Variants in PIAS4 observed in about 807,000 individuals in gnomAD.
PIAS4 encodes E3 SUMO-protein ligase PIAS4.
A neutral mutation model predicts 58.0 loss-of-function variants in PIAS4; 7 were observed. The observed-to-expected ratio is 0.12, with a 90% CI of 0.07 to 0.23. The LOEUF is 0.23. Ranked by LOEUF, PIAS4 falls within the 10% of genes least tolerant of loss-of-function variation. The probability of loss-of-function intolerance (pLI) is 1.00; values close to 1 mark genes in which losing one functional copy is unlikely to be tolerated. For synonymous variants in PIAS4, 364 were observed against 312.4 expected (o/e 1.17, Z -1.74); for missense variants, 550 against 709.5 (o/e 0.78, Z 2.55).
chr19:4,036,148 G>A (rs1358957183), intron 9 of PIAS4, among the ~76,000 whole-genome samples: 1 of 85,262 alleles, frequency 1.2e-5, no homozygotes, highest in Non-Finnish European at 2.7e-5. Context: ...CATCCGTACA[G>A]TCCACACCGT....
At chr19:4,033,308 C>A in intron 8 of PIAS4, 112 bp from the exon 9 acceptor site, 1 of 1,321,824 alleles carries the variant, frequency 7.6e-7, no homozygotes, top group Non-Finnish European at 1.0e-6. Context: ...CCTCCGTGTT[C>A]CTGAGGCATG....
intron 3 of PIAS4, among the ~76,000 whole-genome samples, chr19:4,027,392 C>T (rs1317451150): frequency 1.3e-5 from 2 of 152,156 alleles, no homozygotes; most frequent in African/African-American, 4.8e-5. Context: ...GGGTCGCGTC[C>T]CGTGCGTGTT....
intron 2 of PIAS4, among the ~76,000 whole-genome samples, chr19:4,015,336 C>T (rs150551492): frequency 8.5e-5 from 13 of 152,178 alleles, no homozygotes; most frequent in Admixed American, 7.2e-4. Context: ...CCAGTAGCTC[C>T]GTCCCACAAT....
At chr19:4,011,726 G>T (rs1369755930) in intron 1 of PIAS4, among the ~76,000 whole-genome samples, 1,188 of 64,862 alleles carry the variant, frequency 0.018, 67 homozygotes, top group Middle Eastern at 0.038. Context: ...GAGGTGTGTG[G>T]GGTGTGGAGG....
At chr19:4,034,559 C>G (rs1431667875) in intron 9 of PIAS4, among the ~76,000 whole-genome samples, 1 of 152,238 alleles carries the variant, frequency 6.6e-6, no homozygotes, top group Admixed American at 6.5e-5. Context: ...GGTGGCCACC[C>G]CCTTGCATCC....
chr19:4,028,356 C>G lies in PIAS4; in HGVS notation c.582-154C>G. On this transcript the variant is annotated intron_variant, in intron 4 of 10. Coordinates refer to ENST00000262971, the MANE Select transcript of PIAS4 (RefSeq NM_015897.4). ...TGGGGATACATCACCATCCGACCCC[C>G]ACTCAGGCCACACCCGGGGGCCCTG... The G allele has an allele frequency of 5.1e-6, 4 of 780,920 alleles. No individual in the cohort carries two copies. In the South Asian group the frequency reaches 6.6e-5, roughly 13 times the overall value. 48.4% of individuals were successfully genotyped at this position (780,920 alleles called of 1,614,324 possible). A position where few individuals can be genotyped will look rare whatever the true frequency, so the allele number is the denominator to read the frequency against.
intron 1 of PIAS4, among the ~76,000 whole-genome samples, chr19:4,008,328 T>C (rs578034038): frequency 1.6e-4 from 25 of 152,130 alleles, no homozygotes; most frequent in African/African-American, 6.0e-4. Context: ...CTGGATAGTG[T>C]CCTGCCACCG....
intron 1 of PIAS4, among the ~76,000 whole-genome samples, chr19:4,009,170 C>G (rs1018503266): frequency 6.6e-6 from 1 of 152,118 alleles, no homozygotes; most frequent in African/African-American, 2.4e-5. Context: ...CTTCCCTCCC[C>G]ACGGTCCTGA....
At chr19:4,036,960 C>G (rs2040303811) in intron 9 of PIAS4, among the ~76,000 whole-genome samples, 1 of 152,038 alleles carries the variant, frequency 6.6e-6, no homozygotes, top group Non-Finnish European at 1.5e-5. Context: ...CACACATGCA[C>G]ACGTGCACAC....
chr19:4,037,590 C>T lies in PIAS4; in HGVS notation c.1274-26C>T. 6.2e-7 allele frequency: 1 copy of T among 1,608,084 alleles called. No individual in the cohort carries two copies. The highest frequency in any genetic ancestry group is 8.5e-7 in the Non-Finnish European group (1 of 1,179,764). On this transcript the variant is annotated intron_variant, in intron 10 of 10. Transcript: ENST00000262971. The surrounding 1 kb of genome is among the most constrained non-coding windows in gnomAD (Gnocchi z 5.8). ...TTATCAGTGGTTGCATCCTAAGTAC[C>T]TGCACCCTGTCCCTGTTGCCCGTAG...
intron 9 of PIAS4, among the ~76,000 whole-genome samples, chr19:4,036,519 TAC>T (rs2040289351): frequency 7.3e-6 from 1 of 137,900 alleles, no homozygotes; most frequent in Admixed American, 7.1e-5. Flanking sequence ...CACACATCTA[TAC>T]AGTCCACACC....
chr19:4,008,239 C>G (rs1456712988), intron 1 of PIAS4, among the ~76,000 whole-genome samples: 2 of 152,080 alleles, frequency 1.3e-5, no homozygotes, highest in Non-Finnish European at 2.9e-5. Context: ...GCTCCCAGGA[C>G]TGCTATCTGG....
At chr19:4,021,754 T>C (rs1568215431) in intron 2 of PIAS4, among the ~76,000 whole-genome samples, 1 of 147,610 alleles carries the variant, frequency 6.8e-6, no homozygotes, top group African/African-American at 2.5e-5. Context: ...TTTTTTTTTT[T>C]TTTTTTTTTG....
At position 4,007,832 on chromosome 19, in the gene PIAS4, G is replaced by A. The variant is rs2039957736; in HGVS notation, c.27+45G>A. On this transcript the variant is annotated intron_variant, in intron 1 of 10. Coordinates refer to ENST00000262971, the MANE Select transcript of PIAS4 (RefSeq NM_015897.4). ...GCCGGCCGGGGCAAGTGGGCGAGAG[G>A]GCGGGGGCCGGGCCGCAGGTCGAGG... is the stretch of plus-strand genomic sequence containing the variant. The A allele has an allele frequency of 4.2e-6, 5 of 1,197,294 alleles. No individual in the cohort carries two copies. The South Asian group carries it at 2.1e-4, about 50-fold the overall frequency. The allele number at this position is 1,197,294 out of a possible 1,614,324, so 74.2% of individuals were successfully genotyped here. A position where few individuals can be genotyped will look rare whatever the true frequency, so the allele number is the denominator to read the frequency against.
At position 4,038,857 on chromosome 19, in the gene PIAS4, G is replaced by A. The variant is rs1375985396; in HGVS notation, c.*982G>A. 1 of 152,778 alleles carries A rather than the reference G, an allele frequency of 6.5e-6. No homozygotes were observed. Among genetic ancestry groups the A allele is most frequent in the East Asian group, 1.9e-4 (1 of 5,188 alleles). The allele number at this position is 152,778 out of a possible 1,614,324, so 9.5% of individuals were successfully genotyped here. A position where few individuals can be genotyped will look rare whatever the true frequency, so the allele number is the denominator to read the frequency against. ...TCCTTTTTGCTCTTGGTTTTCCGACGGGTACGAGGCTGGCCCGGCACCCTG... is the reference window on the plus strand; with the variant it reads ...TCCTTTTTGCTCTTGGTTTTCCGACAGGTACGAGGCTGGCCCGGCACCCTG... On this transcript the variant is annotated 3_prime_UTR_variant, in exon 11 of 11. Transcript: ENST00000262971. This position sits in a 1 kb window ranked among gnomAD's most constrained non-coding sequence, Gnocchi z 4.1.
rs765198678 is a variant in PIAS4, at chr19:4,037,455, C to T, written c.1224C>T (p.Arg408=). The change falls in exon 10 of 11, where the codon CGC becomes CGT. Residue 408 remains arginine (R), a synonymous_variant. Coordinates refer to ENST00000262971, the MANE Select transcript of PIAS4 (RefSeq NM_015897.4). This position sits in a 1 kb window ranked among gnomAD's most constrained non-coding sequence, Gnocchi z 5.8. ...TGGACGGCTCGTGGTGCCCGATCCG[C>T]GCCGAAAAGGAGCGCAGCTGCAGCC... ...YLVDGSWCPI[R]AEKERSCSPQ... 7.3e-5 allele frequency: 118 copies of T among 1,611,590 alleles called. No individual in the cohort carries two copies. Among genetic ancestry groups the T allele is most frequent in the Non-Finnish European group, 9.5e-5 (112 of 1,179,534 alleles).
intron 7 of PIAS4, among the ~76,000 whole-genome samples, chr19:4,030,102 G>A (rs567310536): frequency 5.0e-5 from 7 of 139,362 alleles, no homozygotes; most frequent in African/African-American, 1.1e-4. Flanking sequence ...GATTACAGGC[G>A]TGAGCCACCA....
intron 2 of PIAS4, among the ~76,000 whole-genome samples, chr19:4,020,324 T>C (rs374858014): frequency 1.3e-5 from 2 of 152,172 alleles, no homozygotes; most frequent in Admixed American, 6.5e-5. Context: ...GCCACACCAC[T>C]GTGTGCACTG....
chr19:4,036,118 A>C, intron 9 of PIAS4, among the ~76,000 whole-genome samples: 1 of 126,360 alleles, frequency 7.9e-6, no homozygotes, highest in Non-Finnish European at 1.8e-5. Flanking sequence ...ACACACATCT[A>C]TACAGTCCAC....
Sources: allele counts gnomAD v4.1 joint callset (sites outside exome capture counted in the v4.1 genomes callset), GRCh38; gene constraint gnomAD v4.1.1; non-coding constraint Gnocchi (gnomAD v3.1); transcripts MANE v1.5; gene names NCBI Gene and HGNC (gene_info 2026-07-23, HGNC 2026-07-21).